The following SMYD3 variants were observed in gnomAD, a reference collection of about 807,000 sequenced individuals.
SMYD3 encodes histone-lysine N-methyltransferase SMYD3.
In SMYD3, 36 loss-of-function variants were observed where a neutral mutation model predicts 57.7. The ratio of observed to expected loss-of-function variants is 0.62; its 90% confidence interval spans 0.48 to 0.82. The LOEUF is 0.82. Ranked by LOEUF, SMYD3 falls within the 40% of genes least tolerant of loss-of-function variation. The probability of loss-of-function intolerance (pLI) is 0.00; values close to 1 mark genes in which losing one functional copy is unlikely to be tolerated. For missense variants in SMYD3, 515 were observed against 538.8 expected (o/e 0.96, Z 0.44); for synonymous variants, 211 against 195.0 (o/e 1.08, Z -0.68).
At chr1:246,311,759 G>A (rs12048180) in intron 5 of SMYD3, among the ~76,000 whole-genome samples, 23,132 of 152,226 alleles carry the variant, frequency 0.15, 2,190 homozygotes, top group East Asian at 0.39. Context: ...GCAGCTTTAC[G>A]AATTGGTTCA....
intron 5 of SMYD3, among the ~76,000 whole-genome samples, chr1:245,952,637 C>G (rs772030961): frequency 7.9e-5 from 12 of 152,140 alleles, no homozygotes; most frequent in Non-Finnish European, 1.3e-4. Flanking sequence ...TACTAGCTCC[C>G]CAAATGCTCC....
At chr1:246,500,625 CTG>C (rs1324040108) in intron 1 of SMYD3, among the ~76,000 whole-genome samples, 2 of 152,224 alleles carry the variant, frequency 1.3e-5, no homozygotes, top group Non-Finnish European at 2.9e-5. Flanking sequence ...ACTGGGCACT[CTG>C]TACCAGCAGA....
chr1:245,983,819 T>A (rs1313982682), intron 5 of SMYD3, among the ~76,000 whole-genome samples: 1 of 152,088 alleles, frequency 6.6e-6, no homozygotes, highest in Non-Finnish European at 1.5e-5. Flanking sequence ...TTTCAAGGAA[T>A]CAGTAGCAAG....
intron 1 of SMYD3, among the ~76,000 whole-genome samples, chr1:246,443,954 C>A (rs78098574): frequency 6.6e-6 from 1 of 152,002 alleles, no homozygotes; most frequent in Non-Finnish European, 1.5e-5. Flanking sequence ...TCCCTATAAA[C>A]CCTCCCTCAC....
At chr1:245,872,326 C>CTCACA (rs1553347557) in intron 8 of SMYD3, among the ~76,000 whole-genome samples, 5 of 152,060 alleles carry the variant, frequency 3.3e-5, no homozygotes, top group Non-Finnish European at 7.4e-5. Context: ...TGCTTGCATC[C>CTCACA]TCGCAAGAGC....
intron 11 of SMYD3, among the ~76,000 whole-genome samples, chr1:245,763,839 G>T (rs1161616995): frequency 6.6e-6 from 1 of 152,104 alleles, no homozygotes. Context: ...GCCATGGTGG[G>T]CATGCCTGCA....
At chr1:246,416,254 T>C (rs1024691712) in intron 1 of SMYD3, among the ~76,000 whole-genome samples, 1 of 152,192 alleles carries the variant, frequency 6.6e-6, no homozygotes, top group Admixed American at 6.5e-5. Context: ...TTCTTACCCA[T>C]GCGGTGTCAC....
chr1:245,950,840 G>A (rs10802302), intron 5 of SMYD3, among the ~76,000 whole-genome samples: 1 of 152,000 alleles, frequency 6.6e-6, no homozygotes. Flanking sequence ...ATTTGCAAAC[G>A]TAAATTCACA....
intron 1 of SMYD3, among the ~76,000 whole-genome samples, chr1:246,454,091 C>T (rs1254550933): frequency 6.6e-6 from 1 of 152,144 alleles, no homozygotes; most frequent in East Asian, 1.9e-4. Flanking sequence ...AGAGAAGTGT[C>T]CCCTAAAAAG....
chr1:246,210,814 C>T (rs2063073772), intron 5 of SMYD3, among the ~76,000 whole-genome samples: 1 of 152,080 alleles, frequency 6.6e-6, no homozygotes, highest in African/African-American at 2.4e-5. Flanking sequence ...TATATTTGAC[C>T]GTACGATCTT....
chr1:245,833,899 A>T (rs1294533590), intron 10 of SMYD3, among the ~76,000 whole-genome samples: 1 of 152,262 alleles, frequency 6.6e-6, no homozygotes, highest in Non-Finnish European at 1.5e-5. Flanking sequence ...CTCTATGCCC[A>T]TCCCCGCTTC....
At chr1:245,846,477 T>G (rs1374968440) in intron 10 of SMYD3, among the ~76,000 whole-genome samples, 2 of 152,218 alleles carry the variant, frequency 1.3e-5, no homozygotes, top group East Asian at 3.8e-4. Flanking sequence ...AAAGCCAATC[T>G]GGGTTCAGGC....
intron 8 of SMYD3, among the ~76,000 whole-genome samples, chr1:245,888,328 T>C (rs1030883609): frequency 1.3e-5 from 2 of 152,214 alleles, no homozygotes; most frequent in African/African-American, 4.8e-5. Context: ...ACAAAGATAG[T>C]ATGTTAAGTA....
At chr1:246,251,252 T>C (rs2063793528) in intron 5 of SMYD3, among the ~76,000 whole-genome samples, 1 of 152,234 alleles carries the variant, frequency 6.6e-6, no homozygotes, top group African/African-American at 2.4e-5. Context: ...AACATTCTTT[T>C]CTGATAAAGG....
intron 5 of SMYD3, among the ~76,000 whole-genome samples, chr1:246,196,825 G>T (rs908368635): frequency 1.3e-5 from 2 of 152,048 alleles, no homozygotes; most frequent in African/African-American, 4.8e-5. Context: ...GCCCAATCTT[G>T]TTTTCTAAAA....
rs1386128562 is a variant in SMYD3 at position 246,013,243 on chromosome 1, G to A, written c.532-83306C>T. Among the ~76,000 whole-genome samples, 4 of 152,068 alleles carry A rather than the reference G, an allele frequency of 2.6e-5. No homozygotes were observed. The East Asian group carries it at 5.8e-4, about 22-fold the overall frequency. The stretch of plus-strand genomic sequence containing the variant: ...CACACCAGCTAGAGTAAAGTACTGC[G>A]ATCTTGGCTCACTGCAACCTCCACC... On this transcript the variant is annotated intron_variant, in intron 5 of 11. Coordinates refer to ENST00000490107, the MANE Select transcript of SMYD3 (RefSeq NM_001167740.2).
intron 8 of SMYD3, among the ~76,000 whole-genome samples, chr1:245,913,157 A>G (rs905555944): frequency 2.6e-5 from 4 of 152,196 alleles, no homozygotes; most frequent in African/African-American, 9.7e-5. Context: ...TGTGGCACAT[A>G]TACACCATGG....
At chr1:246,154,713 AATGACAATGT>A (rs2061995476) in intron 5 of SMYD3, among the ~76,000 whole-genome samples, 1 of 152,308 alleles carries the variant, frequency 6.6e-6, no homozygotes, top group Non-Finnish European at 1.5e-5. Context: ...AATGTGTTAC[AATGACAATGT>A]ATGAAATACA....
At chr1:245,983,290 AAAAG>A (rs1347716016) in intron 5 of SMYD3, among the ~76,000 whole-genome samples, 3 of 152,364 alleles carry the variant, frequency 2.0e-5, no homozygotes, top group African/African-American at 7.2e-5. Context: ...AGAAAATAGA[AAAAG>A]AAAATTAATG....
Sources: gnomAD v4.1 joint callset for allele counts (sites outside exome capture counted in the v4.1 genomes callset) on GRCh38, gnomAD v4.1.1 for gene constraint, MANE v1.5 for transcripts, NCBI Gene and HGNC (gene_info 2026-07-23, HGNC 2026-07-21) for gene names.